MYL5: variants seen among roughly 807,000 people sequenced by gnomAD.
MYL5 encodes the protein myosin light chain 5.
MYL5 carries 28 observed loss-of-function variants against 20.8 expected under a neutral mutation model. The observed-to-expected ratio is 1.35, with a 90% CI of 1.00 to 1.84. The LOEUF is 1.84. MYL5 is among the 40% of genes most tolerant of loss of function. The pLI is 0.00. For synonymous variants in MYL5, 118 were observed against 87.4 expected (o/e 1.35, Z -1.95); for missense variants, 274 against 227.3 (o/e 1.21, Z -1.32).
intron 3 of MYL5, among the ~76,000 whole-genome samples, chr4:679,465 G>A (rs1440542258): frequency 2.0e-5 from 3 of 152,208 alleles, no homozygotes; most frequent in Non-Finnish European, 4.4e-5. Flanking sequence ...AGTGTGGTGG[G>A]GCACACTGCC....
At chr4:678,182 G>A (rs1196501495) in intron 1 of MYL5, 153 bp downstream of exon 3, 2 of 1,536,186 alleles carry the variant, frequency 1.3e-6, no homozygotes, top group Non-Finnish European at 1.8e-6. Flanking sequence ...GTGTGCATGA[G>A]CGTGTGTATG....
chr4:677,675 G>A (rs902468102), upstream of MYL5, among the ~76,000 whole-genome samples: 1 of 152,188 alleles, frequency 6.6e-6, no homozygotes, highest in African/African-American at 2.4e-5. Flanking sequence ...TGCAGTTCCA[G>A]GGTGCCCAGG....
exon 5 of MYL5, chr4:680,540 C>G: frequency 1.2e-6 from 2 of 1,613,602 alleles, no homozygotes; most frequent in Non-Finnish European, 1.7e-6. Flanking sequence ...TTCTTAACGC[C>G]TTCAAGATGC....
At position 678,104 on chromosome 4, in the gene MYL5, G is replaced by A. The variant is rs369141276; in HGVS notation, c.3+75G>A. The A allele has an allele frequency of 1.6e-5, 26 of 1,582,990 alleles. No homozygotes were observed. In the East Asian group the frequency reaches 4.1e-4, roughly 25 times the overall value. The stretch of plus-strand genomic sequence containing the variant: ...TGCTGTGCATGTGTACATGCGCACA[G>A]ACGAGCGTGGGCGTGTCCGTGCTTG... On this transcript the variant is annotated intron_variant, in intron 1 of 6. Transcript: ENST00000400159.
At chr4:680,710 G>C in intron 5 of MYL5, 123 bp downstream of exon 7, 3 of 1,014,220 alleles carry the variant, frequency 3.0e-6, no homozygotes, top group Non-Finnish European at 2.9e-6. Flanking sequence ...ACCAGCTTCA[G>C]GGCCATGAGG....
chr4:681,214 A>C, intron 6 of MYL5, 74 bp downstream of exon 8: 1 of 1,529,686 alleles, frequency 6.5e-7, no homozygotes, highest in Non-Finnish European at 8.9e-7. Context: ...GTGGAGGGGG[A>C]CGCGGAGCCC....
At chr4:674,584 T>C, upstream of MYL5, 1 of 397,632 alleles carries the variant, frequency 2.5e-6, no homozygotes, top group South Asian at 2.8e-5. Context: ...CCCGCGCTGC[T>C]GCCGAGGCCC....
chr4:681,962 G>T (rs576663900), exon 7 of MYL5: 3 of 1,371,758 alleles, frequency 2.2e-6, no homozygotes, highest in Admixed American at 2.9e-5. Context: ...GCTCAGCTAC[G>T]TGATCACCCA....
chr4:674,694 C>G (rs1381682462), upstream of MYL5: 2 of 217,784 alleles, frequency 9.2e-6, no homozygotes, highest in Non-Finnish European at 9.2e-6. Context: ...GTCAGGGCGG[C>G]TCGGGCGGGT....
At chr4:678,874 CAG>C (rs1739132370) in intron 2 of MYL5, 82 bp from the exon 5 acceptor site, 3 of 1,606,542 alleles carry the variant, frequency 1.9e-6, no homozygotes, top group African/African-American at 1.3e-5. Context: ...TATCCTCAGT[CAG>C]GGGTGCTGAG....
chr4:675,570 C>G (rs1478014263), upstream of MYL5: 1 of 152,624 alleles, frequency 6.6e-6, no homozygotes, highest in African/African-American at 2.4e-5. Flanking sequence ...CTGGCTTGCT[C>G]TGGGGTCCAG....
intron 3 of MYL5, 35 bp from the exon 6 acceptor site, chr4:679,879 A>G: frequency 6.3e-7 from 1 of 1,575,210 alleles, no homozygotes; most frequent in Admixed American, 1.7e-5. Flanking sequence ...GCAGGCAACA[A>G]GCCCTGCCCT....
At position 678,649 on chromosome 4, in the gene MYL5, C is replaced by A. The variant is rs990619778; in HGVS notation, c.4-9C>A. ...CCCAGGACCCTCAGCCATGGTGCTCCCACCGCAGGCCAGCAGGAAGACCAA... is the reference window on the plus strand; with the variant it reads ...CCCAGGACCCTCAGCCATGGTGCTCACACCGCAGGCCAGCAGGAAGACCAA... On this transcript the variant is annotated splice_polypyrimidine_tract_variant and intron_variant, in intron 1 of 6. Coordinates refer to ENST00000400159, the Ensembl canonical transcript of MYL5. The A allele has an allele frequency of 6.3e-7, 1 of 1,599,624 alleles. No individual in the cohort carries two copies. The highest frequency in any genetic ancestry group is 1.3e-5 in the African/African-American group (1 of 74,944).
At chr4:675,548 C>G (rs1476925670), upstream of MYL5, 2 of 152,454 alleles carry the variant, frequency 1.3e-5, no homozygotes, top group African/African-American at 4.8e-5. Flanking sequence ...TAAGTCGCCT[C>G]TGCCCCCTCT....
upstream of MYL5, chr4:676,309 T>A (rs1482662192): frequency 6.6e-6 from 1 of 152,142 alleles, no homozygotes; most frequent in South Asian, 2.1e-4. Context: ...GGGCCCAAGG[T>A]AGGGGGTGAG....
intron 6 of MYL5, among the ~76,000 whole-genome samples, chr4:681,665 GC>G (rs1183411657): frequency 2.9e-4 from 1 of 3,400 alleles, no homozygotes; most frequent in Non-Finnish European, 5.5e-4. Flanking sequence ...GCGCCGCCCC[GC>G]CCCCTCCAGC....
intron 4 of MYL5, 116 bp downstream of exon 6, chr4:680,134 C>A: frequency 9.6e-7 from 1 of 1,042,216 alleles, no homozygotes; most frequent in Non-Finnish European, 1.4e-6. Context: ...TAGGGCCTGG[C>A]ACTCTGGGAG....
chr4:676,004 C>T (rs1738806400), upstream of MYL5: 2 of 152,282 alleles, frequency 1.3e-5, no homozygotes, highest in Admixed American at 1.3e-4. Context: ...TTTTCTCCAG[C>T]TTCTGTGAGG....
upstream of MYL5, among the ~76,000 whole-genome samples, chr4:677,372 G>A (rs960649105): frequency 6.6e-6 from 1 of 152,214 alleles, no homozygotes; most frequent in African/African-American, 2.4e-5. Context: ...GGGAAGACCA[G>A]GCTCAGGGCC....
Sources: allele counts gnomAD v4.1 joint callset (sites outside exome capture counted in the v4.1 genomes callset), GRCh38; gene constraint gnomAD v4.1.1; transcripts MANE v1.5; gene names NCBI Gene and HGNC (gene_info 2026-07-23, HGNC 2026-07-21).